ZNF831: variants seen among roughly 807,000 people sequenced by gnomAD.
ZNF831 encodes the protein zinc finger protein 831, also known as chromosome 20 open reading frame 174.
Under a neutral mutation model 95.8 loss-of-function variants are expected in ZNF831, and 59 were observed. The ratio of observed to expected loss-of-function variants is 0.62; its 90% confidence interval spans 0.50 to 0.77. The LOEUF is 0.77. ZNF831 is among the 30% of genes least tolerant of loss of function. ZNF831 has a pLI of 0.00. For missense variants in ZNF831, 2,205 were observed against 2,164.0 expected (o/e 1.02, Z -0.38); for synonymous variants, 961 against 925.5 (o/e 1.04, Z -0.70).
Position 59,217,158 on chromosome 20 carries a change from A to ATC in ZNF831, c.4027+10106_4027+10107dup, listed in dbSNP as rs377284566. On this transcript the variant is annotated intron_variant, in intron 4 of 5. Coordinates refer to ENST00000371030, the MANE Select transcript of ZNF831 (RefSeq NM_178457.3). The surrounding 1 kb of genome is among the most constrained non-coding windows in gnomAD (Gnocchi z 4.4). ...TCTGGAGTACATCTGACAGATCTTC[A>ATC]TCTCTGTGTGTGTGTGTGTGTGTGT... is the stretch of plus-strand genomic sequence containing the variant. Among the ~76,000 whole-genome samples, 45 of 117,590 alleles carry ATC rather than the reference A, an allele frequency of 3.8e-4. No individual in the cohort carries two copies. Among genetic ancestry groups the ATC allele is most frequent in the African/African-American group, 1.5e-3 (35 of 23,286 alleles). 77.1% of individuals were successfully genotyped at this position (117,590 alleles called of 152,430 possible).
At chr20:59,189,699 C>T (rs1311221370) in intron 1 of ZNF831, among the ~76,000 whole-genome samples, 5 of 152,118 alleles carry the variant, frequency 3.3e-5, no homozygotes, top group Admixed American at 6.5e-5. Context: ...TTAGTAGAGA[C>T]GGGGTTTCAC....
At chr20:59,220,745 A>G (rs188562301) in intron 4 of ZNF831, among the ~76,000 whole-genome samples, 107 of 152,284 alleles carry the variant, frequency 7.0e-4, no homozygotes, top group African/African-American at 2.4e-3. Context: ...GACACTCCAA[A>G]GTCTCCTCAA....
intron 4 of ZNF831, among the ~76,000 whole-genome samples, chr20:59,229,660 G>T (rs1986622392): frequency 3.9e-5 from 6 of 152,174 alleles, no homozygotes; most frequent in Admixed American, 3.9e-4. Flanking sequence ...TAGGTGGTCT[G>T]GTTACTATAG....
chr20:59,207,065 C>G lies in ZNF831; in HGVS notation c.4027+9C>G, dbSNP rs1213184672. 1.2e-6 allele frequency: 2 copies of G among 1,613,548 alleles called. No individual in the cohort carries two copies. Among genetic ancestry groups the G allele is most frequent in the East Asian group, 2.2e-5 (1 of 44,876 alleles). ...CTCTTCAGAAATAGCAGGTAATGCT[C>G]TCTTTGGAGGTGCATCCAGACTGGG... On this transcript the variant is annotated intron_variant, in intron 4 of 5. Coordinates refer to ENST00000371030, the MANE Select transcript of ZNF831 (RefSeq NM_178457.3).
chr20:59,233,043 C>CACACAGAG (rs1308472101), intron 4 of ZNF831, among the ~76,000 whole-genome samples: 1 of 134,374 alleles, frequency 7.4e-6, no homozygotes, highest in African/African-American at 2.9e-5. Context: ...CACACACACA[C>CACACAGAG]ATAGAGAGAG....
At chr20:59,253,860 C>CG (rs1555837582) in intron 5 of ZNF831, 38 bp from the exon 6 acceptor site, 1 of 904,362 alleles carries the variant, frequency 1.1e-6, no homozygotes, top group Non-Finnish European at 1.4e-6. Context: ...CAATTAACCT[C>CG]CCCCCCCACT....
At chr20:59,147,761 CTG>C (rs1481727154) in intron 2 of ZNF831, among the ~76,000 whole-genome samples, 1 of 152,188 alleles carries the variant, frequency 6.6e-6, no homozygotes, top group Non-Finnish European at 1.5e-5. Context: ...AATGATATGA[CTG>C]GGGTTGATCA....
At chr20:59,156,177 C>T (rs957603423) in intron 2 of ZNF831, among the ~76,000 whole-genome samples, 4 of 152,160 alleles carry the variant, frequency 2.6e-5, no homozygotes, top group Non-Finnish European at 5.9e-5. Flanking sequence ...AGTTTCCTCT[C>T]GCCTCCTTTA....
intron 1 of ZNF831, among the ~76,000 whole-genome samples, chr20:59,183,152 G>A (rs1174532933): frequency 3.9e-5 from 6 of 152,216 alleles, no homozygotes; most frequent in Admixed American, 1.3e-4. Context: ...CTCCAGGCAT[G>A]AGAGGCCAAC....
chr20:59,240,386 T>A (rs921338742), intron 4 of ZNF831, among the ~76,000 whole-genome samples: 4 of 152,188 alleles, frequency 2.6e-5, no homozygotes, highest in Non-Finnish European at 5.9e-5. Context: ...TCAGGAAAGA[T>A]GTAAAGGCTT....
At chr20:59,201,206 C>T (rs80003174) in intron 3 of ZNF831, among the ~76,000 whole-genome samples, 3,343 of 152,188 alleles carry the variant, frequency 0.022, 76 homozygotes, top group African/African-American at 0.058. Flanking sequence ...CTCTTTATAG[C>T]TTGAATTTGC....
rs1213168771 is a variant in ZNF831 at position 59,183,790 on chromosome 20, G to A, written c.-36-7194G>A. 2.0e-5 allele frequency among the ~76,000 whole-genome samples: 3 copies of A among 152,146 alleles called. No individual in the cohort carries two copies. The East Asian group carries it at 5.8e-4, about 29-fold the overall frequency. On this transcript the variant is annotated intron_variant, in intron 1 of 5. Coordinates refer to ENST00000371030, the MANE Select transcript of ZNF831 (RefSeq NM_178457.3). ...CAGAAAAATGAGGAGAAAGTACAGAGACCTCCCATCCACCTCTTTCAGCCT... is the reference window on the plus strand; with the variant it reads ...CAGAAAAATGAGGAGAAAGTACAGAAACCTCCCATCCACCTCTTTCAGCCT...
chr20:59,243,494 G>A (rs1335118837), intron 4 of ZNF831, among the ~76,000 whole-genome samples: 1 of 152,144 alleles, frequency 6.6e-6, no homozygotes, highest in Admixed American at 6.5e-5. Context: ...AGAGGGAGGT[G>A]GGAGGAGACA....
intron 1 of ZNF831, among the ~76,000 whole-genome samples, chr20:59,177,538 A>G (rs1033058378): frequency 6.6e-6 from 1 of 152,234 alleles, no homozygotes; most frequent in Non-Finnish European, 1.5e-5. Flanking sequence ...TGTTAAAACC[A>G]GGCAAGTCTA....
At chr20:59,179,789 A>G (rs926722586) in intron 1 of ZNF831, among the ~76,000 whole-genome samples, 5 of 152,168 alleles carry the variant, frequency 3.3e-5, no homozygotes, top group Admixed American at 1.3e-4. Context: ...ACTTAATGAT[A>G]TCTGCAAAGA....
At chr20:59,182,426 G>A (rs1982692507) in intron 1 of ZNF831, among the ~76,000 whole-genome samples, 1 of 152,156 alleles carries the variant, frequency 6.6e-6, no homozygotes, top group Non-Finnish European at 1.5e-5. Context: ...CTGAGGTTAG[G>A]GAACTTGCTG....
At chr20:59,251,008 A>G (rs2146751469) in intron 4 of ZNF831, among the ~76,000 whole-genome samples, 1 of 152,338 alleles carries the variant, frequency 6.6e-6, no homozygotes, top group South Asian at 2.1e-4. Flanking sequence ...TGGTAACTAT[A>G]GTTAATGACA....
chr20:59,241,841 C>G (rs1024438098), intron 4 of ZNF831, among the ~76,000 whole-genome samples: 1 of 152,166 alleles, frequency 6.6e-6, no homozygotes, highest in African/African-American at 2.4e-5. Flanking sequence ...GCTTCACTTT[C>G]CTCTACGCCA....
rs1988173230 is a variant in ZNF831 at position 59,256,070 on chromosome 20, T to A, written c.*1327T>A. The A allele has an allele frequency of 1.3e-5, 2 of 152,234 alleles. No individual in the cohort carries two copies. Among genetic ancestry groups the A allele is most frequent in the Admixed American group, 6.5e-5 (1 of 15,290 alleles). The allele number at this position is 152,234 out of a possible 1,614,324, so 9.4% of individuals were successfully genotyped here. ...TACAATTTGAAATTTGTAGCTGAGCTCTTTTGGTGTAACTTTGATGTAATG... is the reference window on the plus strand; with the variant it reads ...TACAATTTGAAATTTGTAGCTGAGCACTTTTGGTGTAACTTTGATGTAATG... On this transcript the variant is annotated 3_prime_UTR_variant, in exon 6 of 6. Coordinates refer to ENST00000371030, the MANE Select transcript of ZNF831 (RefSeq NM_178457.3).
Sources: allele counts gnomAD v4.1 joint callset (sites outside exome capture counted in the v4.1 genomes callset), GRCh38; gene constraint gnomAD v4.1.1; non-coding constraint Gnocchi (gnomAD v3.1); transcripts MANE v1.5; gene names NCBI Gene and HGNC (gene_info 2026-07-23, HGNC 2026-07-21).